The following EDEM3 variants were observed in gnomAD, a reference collection of about 807,000 sequenced individuals.
EDEM3 encodes ER degradation enhancing alpha-mannosidase like protein 3, also known as ER degradation-enhancing alpha-mannosidase-like protein 3.
EDEM3 carries 60 observed loss-of-function variants against 110.2 expected under a neutral mutation model. That is an observed-to-expected ratio of 0.54 (90% confidence interval 0.44 to 0.67). The LOEUF (loss-of-function observed/expected upper bound fraction) is 0.67, where lower values mean the gene tolerates loss of function less well. Among genes scored for constraint, EDEM3 ranks in the 30% least tolerant of loss-of-function variants. The pLI is 0.00. For synonymous variants in EDEM3, 352 were observed against 382.9 expected (o/e 0.92, Z 0.94); for missense variants, 996 against 1,121.0 (o/e 0.89, Z 1.59).
intron 4 of EDEM3, among the ~76,000 whole-genome samples, chr1:184,736,380 C>T (rs930660586): frequency 4.6e-5 from 7 of 152,056 alleles, no homozygotes; most frequent in African/African-American, 1.4e-4. Flanking sequence ...GGGATATTAA[C>T]TGGAAGTTGA....
chr1:184,698,321 G>A (rs1040741679), intron 19 of EDEM3, among the ~76,000 whole-genome samples: 43 of 151,866 alleles, frequency 2.8e-4, no homozygotes, highest in East Asian at 3.9e-4. Flanking sequence ...AGATATGTAC[G>A]AGAATGTTAC....
chr1:184,749,005 G>C (rs1368516956), intron 2 of EDEM3, among the ~76,000 whole-genome samples: 1 of 152,144 alleles, frequency 6.6e-6, no homozygotes, highest in Non-Finnish European at 1.5e-5. Context: ...CAGATCTCCA[G>C]AACTTTTCAT....
At chr1:184,701,599 A>C in intron 19 of EDEM3, 1 of 1,164,926 alleles carries the variant, frequency 8.6e-7, no homozygotes, top group Non-Finnish European at 1.1e-6. Context: ...TGCATTAAAG[A>C]GTTACAAGAA....
intron 11 of EDEM3, 92 bp downstream of exon 11, chr1:184,719,070 C>T: frequency 4.7e-6 from 3 of 638,970 alleles, no homozygotes; most frequent in Non-Finnish European, 7.5e-6. Context: ...CATTTTCTAC[C>T]TTTATATTAG....
At chr1:184,710,030 T>A (rs1190685842) in intron 16 of EDEM3, among the ~76,000 whole-genome samples, 1 of 152,160 alleles carries the variant, frequency 6.6e-6, no homozygotes, top group Non-Finnish European at 1.5e-5. Context: ...TAAAATGATG[T>A]AAAACATGGA....
At chr1:184,749,960 T>G (rs1235837990) in intron 1 of EDEM3, among the ~76,000 whole-genome samples, 1 of 152,052 alleles carries the variant, frequency 6.6e-6, no homozygotes, top group Non-Finnish European at 1.5e-5. Context: ...GAAGCGGGGG[T>G]TTTGCTGGAC....
chr1:184,743,893 A>G (rs1242895479), intron 2 of EDEM3, among the ~76,000 whole-genome samples: 1 of 152,110 alleles, frequency 6.6e-6, no homozygotes, highest in African/African-American at 2.4e-5. Flanking sequence ...TTAAAAAAAT[A>G]TATAAATCCA....
chr1:184,705,452 T>G lies in EDEM3; in HGVS notation c.2203+1191A>C, dbSNP rs577563435. Among the ~76,000 whole-genome samples, 313 of 152,342 alleles carry G rather than the reference T, an allele frequency of 2.1e-3. 1 individual carries two copies. Among genetic ancestry groups the G allele is most frequent in the African/African-American group, 7.1e-3 (297 of 41,574 alleles). On this transcript the variant is annotated intron_variant, in intron 18 of 19. Transcript: ENST00000318130. ...CCATCACTGCAGTTCAAAGCAGTCA[T>G]AGACCATACACAAACAAATTGGCAT...
In EDEM3 at chr1:184,712,507, T is replaced by C. The variant is rs752593272; in HGVS notation, c.1462A>G (p.Ile488Val). Residue 488 changes from isoleucine to valine, a missense_variant, in exon 14 of 20, where the codon ATC becomes GTC. Transcript: ENST00000318130. Reference sequence around the variant, plus strand: ...AACAGATGAGCTTCTGTTGTAAAGATGTAATCTTCTATGTCAAAAATAATG... The same window carrying C: ...AACAGATGAGCTTCTGTTGTAAAGACGTAATCTTCTATGTCAAAAATAATG... Reference protein sequence around the residue: ...EDIIFDIEDYIFTTEAHLLPL... With the variant: ...EDIIFDIEDYVFTTEAHLLPL... The C allele has an allele frequency of 6.2e-7, 1 of 1,605,996 alleles. No individual in the cohort carries two copies. The highest frequency in any genetic ancestry group is 1.7e-5 in the Admixed American group (1 of 58,782).
intron 10 of EDEM3, 34 bp from the exon 11 acceptor site, chr1:184,719,279 A>T (rs763695964): frequency 2.0e-6 from 3 of 1,516,588 alleles, no homozygotes; most frequent in Non-Finnish European, 2.7e-6. Context: ...TACCTAATAA[A>T]ATATGAGCTG....
intron 2 of EDEM3, among the ~76,000 whole-genome samples, chr1:184,747,020 C>A (rs1344250830): frequency 7.0e-4 from 93 of 132,810 alleles, no homozygotes; most frequent in South Asian, 9.2e-4. Flanking sequence ...TGATCAAATG[C>A]AAAAAAAAAA....
intron 2 of EDEM3, among the ~76,000 whole-genome samples, chr1:184,748,590 G>A (rs1652575248): frequency 1.3e-5 from 2 of 152,044 alleles, no homozygotes; most frequent in African/African-American, 2.4e-5. Flanking sequence ...AACTCAAAAT[G>A]TGCTCTCTCC....
rs749536749 is a variant in EDEM3, at chr1:184,719,194, G to C, written c.1129C>G (p.Gln377Glu). The C allele has an allele frequency of 6.4e-7, 1 of 1,574,406 alleles. No homozygotes were observed. The highest frequency in any genetic ancestry group is 1.2e-5 in the South Asian group (1 of 84,422). Reference sequence around the variant, plus strand: ...AGAAAATTGTGTTTTTTAATCACCTGATATAACATTTCATGAGTTTCAATA... The same window carrying C: ...AGAAAATTGTGTTTTTTAATCACCTCATATAACATTTCATGAGTTTCAATA... ...PAIETHEMLY[Q>E]VIKKHNFLPE... Residue 377 changes from glutamine (Q) to glutamate (E), a missense_variant, in exon 11 of 20, where the codon CAG (glutamine) becomes GAG (glutamate). By Grantham distance (29) the Gln-to-Glu change is conservative. This residue lies in a region of EDEM3 where 310 missense variants were observed against 394.6 expected (regional missense o/e 0.79). Transcript: ENST00000318130.
intron 9 of EDEM3, 38 bp downstream of exon 9, chr1:184,721,251 T>C (rs752919613): frequency 4.0e-6 from 6 of 1,488,640 alleles, no homozygotes; most frequent in Non-Finnish European, 4.6e-6. Context: ...TGGACTCAAA[T>C]GAAGTTGATT....
rs779793137 is a variant in EDEM3 at position 184,711,735 on chromosome 1, C to T, written c.1679G>A (p.Gly560Asp). Residue 560 changes from glycine (G) to aspartate (D), a missense_variant, in exon 15 of 20, where the codon GGC (glycine) becomes GAC (aspartate). By Grantham distance (94) the Gly-to-Asp change is moderately conservative. Around this residue, in one of 5 missense-constraint regions of EDEM3, gnomAD observed 138 missense variants for 124.3 expected, o/e 1.11. Transcript: ENST00000318130. ...TAATACATCTTACACTCTGATGATG[C>T]CTCTAGGACAGCTCTTATCCACCAC... ...KNVVDKSCPR[G>D]IIRVEESFRS... 1 of 1,600,594 alleles carries T rather than the reference C, an allele frequency of 6.2e-7. No homozygotes were observed. The highest frequency in any genetic ancestry group is 8.5e-7 in the Non-Finnish European group (1 of 1,175,444).
intron 6 of EDEM3, among the ~76,000 whole-genome samples, chr1:184,730,824 T>C (rs1651469290): frequency 1.3e-5 from 2 of 150,120 alleles, no homozygotes; most frequent in South Asian, 2.1e-4. Context: ...AGAGAAGTTA[T>C]GCCGGGTGAT....
intron 4 of EDEM3, among the ~76,000 whole-genome samples, chr1:184,736,567 G>A (rs1229754436): frequency 6.6e-6 from 1 of 152,092 alleles, no homozygotes; most frequent in Non-Finnish European, 1.5e-5. Context: ...ATATGAGGTT[G>A]AAAAGGAGTA....
At chr1:184,721,419 T>C in intron 8 of EDEM3, 33 bp from the exon 9 acceptor site, 3 of 1,546,440 alleles carry the variant, frequency 1.9e-6, no homozygotes, top group Middle Eastern at 1.7e-4. Flanking sequence ...TTTCATTAAA[T>C]TTTTTTAAAA....
At chr1:184,703,374 G>GA (rs1270837872) in intron 18 of EDEM3, among the ~76,000 whole-genome samples, 11 of 152,038 alleles carry the variant, frequency 7.2e-5, no homozygotes, top group African/African-American at 1.7e-4. Context: ...GCCTAGAAAG[G>GA]AAAAAATCAA....
Sources: allele counts gnomAD v4.1 joint callset (sites outside exome capture counted in the v4.1 genomes callset), GRCh38; gene constraint gnomAD v4.1.1; regional missense constraint gnomAD v4.1.1; transcripts MANE v1.5; gene names NCBI Gene and HGNC (gene_info 2026-07-23, HGNC 2026-07-21).